Variants in MPPED1 observed in about 807,000 individuals in gnomAD.
MPPED1 encodes the protein metallophosphoesterase domain-containing protein 1.
A neutral mutation model predicts 36.2 loss-of-function variants in MPPED1; 16 were observed. The ratio of observed to expected loss-of-function variants is 0.44; its 90% CI spans 0.30 to 0.67. The LOEUF is 0.67. Among genes scored for constraint, MPPED1 ranks in the 30% least tolerant of loss-of-function variants. The probability of loss-of-function intolerance (pLI) is 0.10; values close to 1 mark genes in which losing one functional copy is unlikely to be tolerated. For synonymous variants in MPPED1, 199 were observed against 191.3 expected (o/e 1.04, Z -0.33); for missense variants, 307 against 453.4 (o/e 0.68, Z 2.93).
chr22:43,420,860 G>T (rs978630069), intron 1 of MPPED1, among the ~76,000 whole-genome samples: 2 of 152,220 alleles, frequency 1.3e-5, no homozygotes, highest in African/African-American at 2.4e-5. Context: ...AAGGGCAGGA[G>T]CCTCTTTGTT....
At chr22:43,505,111 GA>G (rs995026066) in intron 6 of MPPED1, among the ~76,000 whole-genome samples, 1 of 150,428 alleles carries the variant, frequency 6.6e-6, no homozygotes, top group Non-Finnish European at 1.5e-5. Flanking sequence ...TAGTAGTGGT[GA>G]AAAATAGTGA....
chr22:43,503,313 C>G (rs1218355549), intron 6 of MPPED1, among the ~76,000 whole-genome samples: 1 of 152,220 alleles, frequency 6.6e-6, no homozygotes, highest in Non-Finnish European at 1.5e-5. Flanking sequence ...CCATCCTCAC[C>G]TGAGCCTCAT....
chr22:43,422,377 A>G (rs1929303980), intron 1 of MPPED1, among the ~76,000 whole-genome samples: 1 of 152,210 alleles, frequency 6.6e-6, no homozygotes, highest in African/African-American at 2.4e-5. Flanking sequence ...GAACAAGAGC[A>G]TGGCCCCTGT....
rs1239588973 is a variant in MPPED1, at chr22:43,500,175, GTGGTGGTGA to G, written c.748+1831_748+1839del. ...GGTGGTGGTGGTGATGGTGATGGAG[GTGGTGGTGA>G]TGGTGATGGAGGTGGTAATGGAGGT... On this transcript the variant is annotated intron_variant, in intron 5 of 6. Coordinates refer to ENST00000443721, the MANE Select transcript of MPPED1 (RefSeq NM_001044370.2). Among the ~76,000 whole-genome samples the G allele has an allele frequency of 5.8e-4, 37 of 63,524 alleles. 12 individuals are homozygous for G. The highest frequency in any genetic ancestry group is 4.6e-3 in the African/African-American group (32 of 7,002). 41.7% of individuals were successfully genotyped at this position (63,524 alleles called of 152,430 possible). A position where few individuals can be genotyped will look rare whatever the true frequency, so the allele number is the denominator to read the frequency against.
chr22:43,491,803 TGGTG>T lies in MPPED1; in HGVS notation c.633-6431_633-6428del, dbSNP rs1485809841. ...GAGGTGGTGGTAATGATTGAGGTGG[TGGTG>T]ATGGTGGTGATGATGGAGGTGGTGG... On this transcript the variant is annotated intron_variant, in intron 4 of 6. Coordinates refer to ENST00000443721, the MANE Select transcript of MPPED1 (RefSeq NM_001044370.2). Among the ~76,000 whole-genome samples the T allele has an allele frequency of 5.9e-4, 89 of 150,272 alleles. 1 individual carries two copies. The highest frequency in any genetic ancestry group is 1.1e-3 in the Admixed American group (17 of 15,128).
At chr22:43,495,524 GTGGTGGTGGTGGAGA>G (rs1569088733) in intron 4 of MPPED1, among the ~76,000 whole-genome samples, 12 of 120,732 alleles carry the variant, frequency 9.9e-5, no homozygotes, top group Non-Finnish European at 1.8e-4. Context: ...GGTGGTGGAG[GTGGTGGTGGTGGAGA>G]TGGTGGTGGT....
At chr22:43,447,866 T>TAC in intron 3 of MPPED1, among the ~76,000 whole-genome samples, 2 of 32,928 alleles carry the variant, frequency 6.1e-5, no homozygotes, top group Non-Finnish European at 1.4e-4. Context: ...ATATTATATA[T>TAC]ATATATATAT....
intron 3 of MPPED1, among the ~76,000 whole-genome samples, chr22:43,446,399 G>A (rs76426876): frequency 0.012 from 1,791 of 152,242 alleles, 32 homozygotes; most frequent in African/African-American, 0.039. Flanking sequence ...TCATATGATG[G>A]GGGTGTTCAG....
At chr22:43,442,569 G>A (rs1244361391) in intron 3 of MPPED1, among the ~76,000 whole-genome samples, 2 of 152,176 alleles carry the variant, frequency 1.3e-5, no homozygotes, top group African/African-American at 2.4e-5. Context: ...GGGTGCGGTC[G>A]GGTGGGACTG....
In MPPED1 at chr22:43,502,797, G is replaced by A; in HGVS notation, c.862+40G>A. The A allele has an allele frequency of 1.3e-6, 2 of 1,537,218 alleles. No individual in the cohort carries two copies. Among genetic ancestry groups the A allele is most frequent in the Admixed American group, 3.3e-5 (2 of 59,830 alleles). On this transcript the variant is annotated intron_variant, in intron 6 of 6. Coordinates refer to ENST00000443721, the MANE Select transcript of MPPED1 (RefSeq NM_001044370.2). The surrounding 1 kb of genome is among the most constrained non-coding windows in gnomAD (Gnocchi z 5.5). ...GAGACAGGCACCTCACGGGCTAGGG[G>A]CTCCTAATGGACCCTCCAGCAGGAC...
At chr22:43,445,526 A>G (rs73167930) in intron 3 of MPPED1, among the ~76,000 whole-genome samples, 7,149 of 146,676 alleles carry the variant, frequency 0.049, 268 homozygotes, top group Non-Finnish European at 0.077. Flanking sequence ...TCTTGCTGCC[A>G]TCTTATCTAT....
rs773333908 is a variant in MPPED1 at position 43,505,652 on chromosome 22, C to A, written c.*36C>A. On this transcript the variant is annotated 3_prime_UTR_variant, in exon 7 of 7. Transcript: ENST00000443721. ...CTGCCCCTGCCCTGCCCGCCCGTGT[C>A]AGCTCCACAGGCCTGGCCCGGCCAC... The A allele has an allele frequency of 1.2e-5, 18 of 1,547,150 alleles. No individual in the cohort carries two copies. The South Asian group carries it at 2.0e-4, about 17-fold the overall frequency.
chr22:43,486,996 C>T (rs540146752), intron 4 of MPPED1, among the ~76,000 whole-genome samples: 1 of 152,260 alleles, frequency 6.6e-6, no homozygotes, highest in South Asian at 2.1e-4. Context: ...TGAGGTGAGG[C>T]TCCTGGCAGG....
chr22:43,421,588 G>A (rs2146815393), intron 1 of MPPED1, among the ~76,000 whole-genome samples: 1 of 152,300 alleles, frequency 6.6e-6, no homozygotes, highest in Middle Eastern at 3.4e-3. Flanking sequence ...GATGGAGAGG[G>A]GGCAGTGACT....
chr22:43,460,219 A>C (rs1200805423), intron 3 of MPPED1, among the ~76,000 whole-genome samples: 3 of 111,006 alleles, frequency 2.7e-5, no homozygotes, highest in African/African-American at 1.0e-4. Flanking sequence ...AAACAAAAAC[A>C]AAAACAAAAA....
chr22:43,425,160 A>G lies in MPPED1; in HGVS notation c.175A>G (p.Thr59Ala), dbSNP rs1280971726. ...EYSSNPTQAF[T>A]FYNINQGRFQ... is the part of the protein sequence containing the mutation. Reference sequence around the variant, plus strand: ...CAGCTCCAACCCCACCCAGGCCTTCACCTTCTACAACATCAACCAGGGCCG... The same window carrying G: ...CAGCTCCAACCCCACCCAGGCCTTCGCCTTCTACAACATCAACCAGGGCCG... The change falls in exon 2 of 7, where the codon ACC (threonine) becomes GCC (alanine). Residue 59 changes from threonine to alanine, a missense_variant. Transcript: ENST00000443721. 6.4e-7 allele frequency: 1 copy of G among 1,561,734 alleles called. No homozygotes were observed. Among genetic ancestry groups the G allele is most frequent in the Non-Finnish European group, 8.7e-7 (1 of 1,149,890 alleles).
intron 1 of MPPED1, 45 bp from the exon 2 acceptor site, chr22:43,424,863 T>C (rs892933880): frequency 6.8e-7 from 1 of 1,470,020 alleles, no homozygotes; most frequent in Non-Finnish European, 9.0e-7. Flanking sequence ...ATAAAGCAAA[T>C]CCCAAACAGA....
intron 3 of MPPED1, among the ~76,000 whole-genome samples, chr22:43,442,870 A>G (rs898386392): frequency 6.6e-6 from 1 of 152,104 alleles, no homozygotes; most frequent in Non-Finnish European, 1.5e-5. Context: ...AGCCCCCAGC[A>G]TGGGTTAGTA....
intron 3 of MPPED1, among the ~76,000 whole-genome samples, chr22:43,451,507 A>T (rs1340611057): frequency 6.6e-6 from 1 of 152,238 alleles, no homozygotes; most frequent in African/African-American, 2.4e-5. Flanking sequence ...GATGCAAATG[A>T]AGATCCGAGA....
Sources: allele counts gnomAD v4.1 joint callset (sites outside exome capture counted in the v4.1 genomes callset), GRCh38; gene constraint gnomAD v4.1.1; non-coding constraint Gnocchi (gnomAD v3.1); transcripts MANE v1.5; gene names NCBI Gene and HGNC (gene_info 2026-07-23, HGNC 2026-07-21).